WFDC11: variants seen among roughly 807,000 people sequenced by gnomAD.
WFDC11 encodes the protein WAP four-disulfide core domain 11.
Under a neutral mutation model 9.9 loss-of-function variants are expected in WFDC11, and 9 were observed. The observed-to-expected ratio is 0.91, with a 90% CI of 0.55 to 1.58. WFDC11 has a LOEUF of 1.58. Ranked by LOEUF, WFDC11 falls within the 40% of genes most tolerant of loss-of-function variation. The pLI, the probability that WFDC11 is intolerant of heterozygous loss-of-function variation, is 0.00. For synonymous variants in WFDC11, 32 were observed against 33.3 expected (o/e 0.96, Z 0.13); for missense variants, 106 against 101.7 (o/e 1.04, Z -0.18).
At chr20:45,666,288 A>G (rs544498139) in intron 2 of WFDC11, among the ~76,000 whole-genome samples, 1 of 152,226 alleles carries the variant, frequency 6.6e-6, no homozygotes. Flanking sequence ...AAAGCACAGT[A>G]TTTGGGTGGG....
chr20:45,657,953 A>T (rs763393183), intron 2 of WFDC11, among the ~76,000 whole-genome samples: 1 of 152,214 alleles, frequency 6.6e-6, no homozygotes, highest in Non-Finnish European at 1.5e-5. Context: ...ATAATATTCT[A>T]TCTTTCATAT....
intron 1 of WFDC11, among the ~76,000 whole-genome samples, chr20:45,668,336 G>T (rs1983227885): frequency 6.6e-6 from 1 of 152,210 alleles, no homozygotes; most frequent in Non-Finnish European, 1.5e-5. Context: ...AAGTGGGAAA[G>T]TGGGAGAGAA....
chr20:45,666,108 C>T (rs2145624613), intron 2 of WFDC11, among the ~76,000 whole-genome samples: 1 of 152,346 alleles, frequency 6.6e-6, no homozygotes, highest in East Asian at 1.9e-4. Context: ...ACTTTGTTTA[C>T]CTACTGAAGC....
intron 2 of WFDC11, among the ~76,000 whole-genome samples, chr20:45,661,841 T>C (rs1983074594): frequency 6.6e-6 from 1 of 152,160 alleles, no homozygotes; most frequent in Admixed American, 6.5e-5. Flanking sequence ...TAGTTTGAAG[T>C]CAGGTAGTGT....
chr20:45,649,686 A>C (rs1032258937), intron 3 of WFDC11, among the ~76,000 whole-genome samples: 6 of 152,170 alleles, frequency 3.9e-5, no homozygotes, highest in African/African-American at 1.4e-4. Context: ...CCCAACGATA[A>C]AACTCAGTCA....
intron 2 of WFDC11, among the ~76,000 whole-genome samples, chr20:45,660,350 C>A (rs757491881): frequency 5.3e-5 from 8 of 151,932 alleles, no homozygotes; most frequent in Non-Finnish European, 1.0e-4. Context: ...AATTGATTTC[C>A]AGTTTTATTC....
chr20:45,658,325 T>C (rs962176507), intron 2 of WFDC11, among the ~76,000 whole-genome samples: 2 of 152,218 alleles, frequency 1.3e-5, no homozygotes, highest in African/African-American at 2.4e-5. Flanking sequence ...CTGAGATGTA[T>C]CCATCTTGTA....
chr20:45,653,182 G>A (rs1363008782), intron 2 of WFDC11, among the ~76,000 whole-genome samples: 1 of 152,146 alleles, frequency 6.6e-6, no homozygotes, highest in Non-Finnish European at 1.5e-5. Context: ...AAGAGAGAAA[G>A]GTCGGGTTAC....
chr20:45,650,546 C>G lies in WFDC11; in HGVS notation c.55G>C (p.Val19Leu). The G allele has an allele frequency of 6.2e-7, 1 of 1,614,074 alleles. No homozygotes were observed. Among genetic ancestry groups the G allele is most frequent in the Non-Finnish European group, 8.5e-7 (1 of 1,180,024 alleles). Residue 19 changes from valine to leucine, a missense_variant, in exon 3 of 5, where the codon GTG becomes CTG. Transcript: ENST00000324384. ...ATTTCTCCCAGCACAGACAGTAGCA[C>G]CGTACAGAAGAATGTCATGAGCATG... ...IPMLMTFFCTVLLSVLGEMRK... is the reference protein window; with the variant it reads ...IPMLMTFFCTLLLSVLGEMRK...
Position 45,650,437 on chromosome 20 carries a change from C to T in WFDC11, c.100+64G>A, listed in dbSNP as rs998276720. On this transcript the variant is annotated intron_variant, in intron 3 of 4. Transcript: ENST00000324384. ...TCAGATACAGCGGACAATGAAACCC[C>T]CTCCCTTGTTCAGAAACAAGCTCAT... The T allele has an allele frequency of 1.0e-5, 14 of 1,358,218 alleles. No individual in the cohort carries two copies. The African/African-American group carries it at 1.6e-4, about 15-fold the overall frequency. The allele number at this position is 1,358,218 out of a possible 1,614,324, so 84.1% of individuals were successfully genotyped here. A position where few individuals can be genotyped will look rare whatever the true frequency, so the allele number is the denominator to read the frequency against.
chr20:45,658,008 A>G (rs1463420503), intron 2 of WFDC11, among the ~76,000 whole-genome samples: 9 of 152,194 alleles, frequency 5.9e-5, no homozygotes, highest in Non-Finnish European at 1.5e-5. Context: ...AAAATTATAT[A>G]AGCTTGCTGT....
intron 2 of WFDC11, among the ~76,000 whole-genome samples, chr20:45,664,355 T>G (rs1983141591): frequency 6.6e-6 from 1 of 152,224 alleles, no homozygotes; most frequent in Non-Finnish European, 1.5e-5. Context: ...AGCACACTGA[T>G]GGGTCTTAAC....
intron 1 of WFDC11, among the ~76,000 whole-genome samples, chr20:45,667,834 T>A (rs772391706): frequency 3.9e-5 from 6 of 152,206 alleles, no homozygotes; most frequent in Non-Finnish European, 7.3e-5. Flanking sequence ...GTCTGGCATA[T>A]AAGCAGTGCT....
chr20:45,660,115 A>G (rs1317646401), intron 2 of WFDC11, among the ~76,000 whole-genome samples: 1 of 152,100 alleles, frequency 6.6e-6, no homozygotes, highest in Non-Finnish European at 1.5e-5. Flanking sequence ...TAGCATGTCA[A>G]TTTGTGCTCT....
At chr20:45,669,143 C>T (rs1371597061) in intron 1 of WFDC11, among the ~76,000 whole-genome samples, 1 of 152,088 alleles carries the variant, frequency 6.6e-6, no homozygotes, top group Non-Finnish European at 1.5e-5. Flanking sequence ...CAATCACAGG[C>T]CTTACACTCA....
chr20:45,659,017 C>A (rs1982997073), intron 2 of WFDC11, among the ~76,000 whole-genome samples: 1 of 152,172 alleles, frequency 6.6e-6, no homozygotes, highest in Non-Finnish European at 1.5e-5. Flanking sequence ...CCAGCTTCAT[C>A]CATGTCCCTA....
intron 2 of WFDC11, among the ~76,000 whole-genome samples, chr20:45,664,351 C>G (rs1462319623): frequency 6.6e-6 from 1 of 152,148 alleles, no homozygotes; most frequent in Non-Finnish European, 1.5e-5. Flanking sequence ...TTATAGCACA[C>G]TGATGGGTCT....
intron 1 of WFDC11, among the ~76,000 whole-genome samples, chr20:45,669,612 T>C (rs1191546355): frequency 6.6e-6 from 1 of 152,100 alleles, no homozygotes; most frequent in East Asian, 1.9e-4. Flanking sequence ...AATCAAGAAG[T>C]TTTTTGAAAC....
intron 2 of WFDC11, among the ~76,000 whole-genome samples, chr20:45,663,858 A>G (rs560711111): frequency 8.5e-5 from 13 of 152,154 alleles, no homozygotes; most frequent in Non-Finnish European, 1.6e-4. Flanking sequence ...TATGTGGTCA[A>G]TTTTAGAATA....
Sources: allele counts gnomAD v4.1 joint callset (sites outside exome capture counted in the v4.1 genomes callset), GRCh38; gene constraint gnomAD v4.1.1; transcripts MANE v1.5; gene names NCBI Gene and HGNC (gene_info 2026-07-23, HGNC 2026-07-21).